Variants in CDR2L observed in about 807,000 individuals in gnomAD.
The protein encoded by CDR2L is cerebellar degeneration related protein 2 like.
A neutral mutation model predicts 36.1 loss-of-function variants in CDR2L; 19 were observed. The observed-to-expected ratio is 0.53, with a 90% confidence interval of 0.37 to 0.77. CDR2L has a LOEUF of 0.77. CDR2L is among the 30% of genes least tolerant of loss of function. The pLI is 0.00. For missense variants in CDR2L, 575 were observed against 627.2 expected, an observed-to-expected ratio of 0.92 and a Z score of 0.89; for synonymous variants, 285 against 280.4, an observed-to-expected ratio of 1.02 and a Z score of -0.16.
chr17:74,999,482 G>A (rs2039851238), intron 1 of CDR2L, 22 bp from the exon 2 acceptor site: 6 of 1,492,498 alleles, frequency 4.0e-6, no homozygotes, highest in Non-Finnish European at 5.5e-6. Flanking sequence ...TTGTTCTCAT[G>A]CTCGTGTTTC....
chr17:75,003,138 C>T (rs951541105), intron 4 of CDR2L, 45 bp from the exon 5 acceptor site: 8 of 1,543,292 alleles, frequency 5.2e-6, no homozygotes, highest in Non-Finnish European at 7.0e-6. Context: ...TGACCACTGC[C>T]CTCTCCTCCG....
intron 1 of CDR2L, 61 bp downstream of exon 1, chr17:74,988,183 C>T: frequency 1.6e-6 from 2 of 1,262,802 alleles, no homozygotes; most frequent in Non-Finnish European, 2.2e-6. Flanking sequence ...CTGTCCGCTT[C>T]TCCATTGTTG....
chr17:75,000,954 G>A (rs1187792536), intron 2 of CDR2L, among the ~76,000 whole-genome samples: 1 of 151,312 alleles, frequency 6.6e-6, no homozygotes, highest in East Asian at 2.0e-4. Flanking sequence ...AAAAAAAGAG[G>A]CTGGCGTGGT....
intron 1 of CDR2L, 62 bp downstream of exon 1, chr17:74,988,184 T>C: frequency 8.0e-7 from 1 of 1,245,802 alleles, no homozygotes; most frequent in Admixed American, 3.0e-5. Flanking sequence ...TGTCCGCTTC[T>C]CCATTGTTGG....
intron 1 of CDR2L, among the ~76,000 whole-genome samples, 187 bp from the exon 2 acceptor site, chr17:74,999,316 AG>A (rs869275079): frequency 2.7e-5 from 4 of 146,164 alleles, no homozygotes; most frequent in East Asian, 2.1e-4. Flanking sequence ...ACACACACAC[AG>A]ACACACACAA....
At position 75,004,041 on chromosome 17, in the gene CDR2L, C is replaced by A; in HGVS notation, c.1365C>A (p.Asn455Lys). The stretch of plus-strand genomic sequence containing the variant: ...TCCAGAAGACCAAGGCTGACATCAA[C>A]GCCACCAAAGTCAAGACGCACAGCA... ...SRIQKTKADINATKVKTHSSK is the reference protein window; with the variant it reads ...SRIQKTKADIKATKVKTHSSK Residue 455 changes from asparagine to lysine, a missense_variant, in exon 5 of 5, where the codon AAC becomes AAA. Asn to Lys is a moderately conservative substitution (Grantham distance 94). Transcript: ENST00000337231. The A allele has an allele frequency of 1.2e-6, 2 of 1,610,720 alleles. No individual in the cohort carries two copies. Among genetic ancestry groups the A allele is most frequent in the Non-Finnish European group, 1.7e-6 (2 of 1,178,678 alleles).
At chr17:75,001,620 T>C in intron 3 of CDR2L, 131 bp downstream of exon 3, 1 of 863,112 alleles carries the variant, frequency 1.2e-6, no homozygotes, top group Non-Finnish European at 1.7e-6. Flanking sequence ...AGTGAGCTTG[T>C]CCTTGTCGAT....
intron 1 of CDR2L, 77 bp from the exon 2 acceptor site, chr17:74,999,427 T>A (rs952116090): frequency 6.2e-6 from 6 of 962,380 alleles, no homozygotes; most frequent in African/African-American, 4.9e-5. Flanking sequence ...TACATTGGGG[T>A]CACCTAGAGT....
rs765780159 is a variant in CDR2L, at chr17:74,993,311, T to A, written c.79+5189T>A. On this transcript the variant is annotated intron_variant, in intron 1 of 4. Coordinates refer to ENST00000337231, the MANE Select transcript of CDR2L (RefSeq NM_014603.3). ...TTTTTTTTTCAAGACAGAGTCTTGGTCCATCGCCCAGGCTGGAGTTCAGTG... is the reference window on the plus strand; with the variant it reads ...TTTTTTTTTCAAGACAGAGTCTTGGACCATCGCCCAGGCTGGAGTTCAGTG... 3.9e-5 allele frequency among the ~76,000 whole-genome samples: 6 copies of A among 151,930 alleles called. No individual in the cohort carries two copies. The South Asian group carries it at 6.2e-4, about 16-fold the overall frequency.
chr17:74,996,108 C>A (rs557786393), intron 1 of CDR2L, among the ~76,000 whole-genome samples: 1 of 152,028 alleles, frequency 6.6e-6, no homozygotes, highest in South Asian at 2.1e-4. Context: ...ACCATCACCA[C>A]AATCAATTTT....
chr17:74,991,653 C>T (rs2039797952), intron 1 of CDR2L, among the ~76,000 whole-genome samples: 2 of 151,876 alleles, frequency 1.3e-5, no homozygotes, highest in African/African-American at 4.8e-5. Flanking sequence ...GGAGGCAGAG[C>T]TTGCAGTGAG....
At chr17:74,998,732 G>T (rs538401285) in intron 1 of CDR2L, among the ~76,000 whole-genome samples, 1 of 152,296 alleles carries the variant, frequency 6.6e-6, no homozygotes, top group Admixed American at 6.5e-5. Context: ...AAGGAGAAGA[G>T]GGAACAAGTC....
At position 74,988,090 on chromosome 17, in the gene CDR2L, A is replaced by G; in HGVS notation, c.47A>G (p.Glu16Gly). ...GAGGACTTCTCCGCGGAGGAAGAGG[A>G]GTCCTGGTACGACCAGCAGGACCTG... ...GMEDFSAEEEESWYDQQDLEQ... is the reference protein window; with the variant it reads ...GMEDFSAEEEGSWYDQQDLEQ... The change falls in exon 1 of 5, where the codon GAG (glutamate) becomes GGG (glycine). Residue 16 changes from glutamate to glycine, a missense_variant. Transcript: ENST00000337231. The G allele has an allele frequency of 1.3e-6, 2 of 1,532,438 alleles. No homozygotes were observed. The highest frequency in any genetic ancestry group is 8.8e-7 in the Non-Finnish European group (1 of 1,140,750). 94.9% of individuals were successfully genotyped at this position (1,532,438 alleles called of 1,614,324 possible).
At position 75,003,678 on chromosome 17, in the gene CDR2L, C is replaced by A; in HGVS notation, c.1002C>A (p.His334Gln). 6.9e-7 allele frequency: 1 copy of A among 1,458,412 alleles called. No homozygotes were observed. The highest frequency in any genetic ancestry group is 1.5e-5 in the South Asian group (1 of 68,630). The allele number at this position is 1,458,412 out of a possible 1,614,324, so 90.3% of individuals were successfully genotyped here. ...TGGCCAAAGACCCAGCCAGCCGGCA[C>A]GCGGGCAACCTCACACTGCACGCCA... is the stretch of plus-strand genomic sequence containing the variant. ...AIVAKDPASR[H>Q]AGNLTLHANS... Residue 334 changes from histidine (H) to glutamine (Q), a missense_variant, in exon 5 of 5, where the codon CAC (histidine) becomes CAA (glutamine). Coordinates refer to ENST00000337231, the MANE Select transcript of CDR2L (RefSeq NM_014603.3).
chr17:74,999,326 A>ACACACACACAC (rs60772273), intron 1 of CDR2L, among the ~76,000 whole-genome samples, 178 bp from the exon 2 acceptor site: 1 of 133,506 alleles, frequency 7.5e-6, no homozygotes, highest in Non-Finnish European at 1.7e-5. Context: ...AGACACACAC[A>ACACACACACAC]AAAAGAACAT....
intron 1 of CDR2L, among the ~76,000 whole-genome samples, chr17:74,996,868 G>A (rs533620945): frequency 3.3e-5 from 5 of 152,198 alleles, no homozygotes; most frequent in South Asian, 4.2e-4. Context: ...TCCCCCTAGC[G>A]TGGACATAAA....
Position 75,003,830 on chromosome 17 carries a change from G to T in CDR2L, c.1154G>T (p.Gly385Val). The T allele has an allele frequency of 1.3e-6, 2 of 1,564,410 alleles. No individual in the cohort carries two copies. Among genetic ancestry groups the T allele is most frequent in the Middle Eastern group, 1.8e-4 (1 of 5,564 alleles). The change falls in exon 5 of 5, where the codon GGC (glycine) becomes GTC (valine). Residue 385 changes from glycine (G) to valine (V), a missense_variant. Physicochemically the swap from Gly to Val is moderately radical, Grantham distance 109. Coordinates refer to ENST00000337231, the MANE Select transcript of CDR2L (RefSeq NM_014603.3). The part of the protein sequence containing the change: ...RQHGAGVRHA[G>V]VQTSRPISRD... ...CACGGGGCCGGAGTGCGGCACGCCG[G>T]CGTGCAGACCTCGCGCCCCATCTCC...
At position 75,003,172 on chromosome 17, in the gene CDR2L, C is replaced by G; in HGVS notation, c.507-11C>G. ...CGCCCCCACCCCGCTGCGACTCTCACTACCCGCCAGGTGCAAGGATGCTTT... is the reference window on the plus strand; with the variant it reads ...CGCCCCCACCCCGCTGCGACTCTCAGTACCCGCCAGGTGCAAGGATGCTTT... On this transcript the variant is annotated splice_polypyrimidine_tract_variant and intron_variant, in intron 4 of 4. Coordinates refer to ENST00000337231, the MANE Select transcript of CDR2L (RefSeq NM_014603.3). The G allele has an allele frequency of 6.4e-7, 1 of 1,556,228 alleles. No individual in the cohort carries two copies. Among genetic ancestry groups the G allele is most frequent in the Middle Eastern group, 2.0e-4 (1 of 4,960 alleles).
rs1400442336 is a variant in CDR2L at position 75,003,395 on chromosome 17, G to C, written c.719G>C (p.Cys240Ser). Residue 240 changes from cysteine (C) to serine (S), a missense_variant, in exon 5 of 5, where the codon TGT (cysteine) becomes TCT (serine). Cys to Ser is a moderately radical substitution (Grantham distance 112, BLOSUM62 -1). Transcript: ENST00000337231. Reference sequence around the variant, plus strand: ...CGCCAGCTGTGCGAGATGGAGGCCTGTCGCCTGCGTGTGCAGGAGCTGGAG... The same window carrying C: ...CGCCAGCTGTGCGAGATGGAGGCCTCTCGCCTGCGTGTGCAGGAGCTGGAG... ...LERQLCEMEACRLRVQELEAE... is the reference protein window; with the variant it reads ...LERQLCEMEASRLRVQELEAE... The C allele has an allele frequency of 1.3e-6, 2 of 1,564,694 alleles. No homozygotes were observed. The highest frequency in any genetic ancestry group is 1.7e-6 in the Non-Finnish European group (2 of 1,155,652).
Sources: allele counts gnomAD v4.1 joint callset (sites outside exome capture counted in the v4.1 genomes callset), GRCh38; gene constraint gnomAD v4.1.1; transcripts MANE v1.5; gene names NCBI Gene and HGNC (gene_info 2026-07-23, HGNC 2026-07-21).